Variants in AGBL2 observed in about 807,000 individuals in gnomAD.
AGBL2 encodes cytosolic carboxypeptidase 2.
Under a neutral mutation model 103.0 loss-of-function variants are expected in AGBL2, and 87 were observed. That is an observed-to-expected ratio of 0.84 (90% CI 0.71 to 1.01). AGBL2 has a LOEUF of 1.01. Among genes scored for constraint, AGBL2 ranks in the 50% least tolerant of loss-of-function variants. AGBL2 has a pLI of 0.00. For synonymous variants in AGBL2, 335 were observed against 356.7 expected, an observed-to-expected ratio of 0.94 and a Z score of 0.69; for missense variants, 904 against 1,023.5, an observed-to-expected ratio of 0.88 and a Z score of 1.59.
chr11:47,707,246 A>G (rs1170735222), intron 4 of AGBL2, among the ~76,000 whole-genome samples: 2 of 152,148 alleles, frequency 1.3e-5, no homozygotes, highest in Non-Finnish European at 2.9e-5. Flanking sequence ...CATACCTGAA[A>G]AGGGAAATAC....
chr11:47,690,730 A>G lies in AGBL2; in HGVS notation c.977T>C (p.Leu326Pro), dbSNP rs781554485. ...ATYRFTIVNL[L>P]KPKSLYTVGM... ...TACAGTATAAAGACTCTTGGGTTTT[A>G]GCAAGTTGACAATGGTGAAGCGATA... Residue 326 changes from leucine to proline, a missense_variant, in exon 10 of 19, where the codon CTA (leucine) becomes CCA (proline). By Grantham distance (98) the Leu-to-Pro change is moderately conservative (BLOSUM62 -3). Transcript: ENST00000525123. The G allele has an allele frequency of 6.2e-7, 1 of 1,614,192 alleles. No individual in the cohort carries two copies. The highest frequency in any genetic ancestry group is 1.1e-5 in the South Asian group (1 of 91,088).
chr11:47,672,733 T>G (rs2097361329), intron 14 of AGBL2, among the ~76,000 whole-genome samples: 1 of 152,132 alleles, frequency 6.6e-6, no homozygotes, highest in African/African-American at 2.4e-5. Flanking sequence ...CACTACCTGG[T>G]CTGATGGCCT....
intron 13 of AGBL2, 103 bp downstream of exon 13, chr11:47,679,870 G>A: frequency 1.4e-6 from 1 of 694,362 alleles, no homozygotes; most frequent in Non-Finnish European, 2.5e-6. Flanking sequence ...TTGAACTCCT[G>A]AGCTCAGGCA....
At chr11:47,702,023 C>T (rs376325679) in intron 7 of AGBL2, among the ~76,000 whole-genome samples, 6 of 150,630 alleles carry the variant, frequency 4.0e-5, no homozygotes, top group South Asian at 2.1e-4. Flanking sequence ...TGGTGGTGCA[C>T]GCCTATAGTC....
At chr11:47,664,661 T>C (rs2097336487) in intron 17 of AGBL2, among the ~76,000 whole-genome samples, 1 of 152,086 alleles carries the variant, frequency 6.6e-6, no homozygotes. Flanking sequence ...TCCGCCTGCC[T>C]CAGCCTCCCA....
At chr11:47,710,331 C>G in intron 4 of AGBL2, 46 bp downstream of exon 4, 1 of 1,612,722 alleles carries the variant, frequency 6.2e-7, no homozygotes, top group South Asian at 1.1e-5. Flanking sequence ...AGAGGAGTTA[C>G]TAGGCAATGA....
At position 47,663,037 on chromosome 11, in the gene AGBL2, C is replaced by T; in HGVS notation, c.2524G>A (p.Gly842Arg). The T allele has an allele frequency of 6.2e-7, 1 of 1,610,370 alleles. No homozygotes were observed. Among genetic ancestry groups the T allele is most frequent in the Non-Finnish European group, 8.5e-7 (1 of 1,178,442 alleles). Residue 842 changes from glycine to arginine, a missense_variant, in exon 18 of 19, where the codon GGG (glycine) becomes AGG (arginine). Physicochemically the swap from Gly to Arg is moderately radical, Grantham distance 125. Coordinates refer to ENST00000525123, the MANE Select transcript of AGBL2 (RefSeq NM_024783.4). ...ATTAGGTGAAGTACCTGCATTCTCC[C>T]TTTATTCTTAGGCAGAATCAGGGTG... is the stretch of plus-strand genomic sequence containing the variant. The part of the protein sequence containing the change: ...MATLILPKNK[G>R]RMQNKKPGFT...
chr11:47,689,462 G>T (rs567061519), intron 10 of AGBL2, among the ~76,000 whole-genome samples: 1 of 151,866 alleles, frequency 6.6e-6, no homozygotes, highest in African/African-American at 2.4e-5. Context: ...CCACCAGCAC[G>T]CCTGGCTAAT....
chr11:47,670,804 G>A (rs190857725), intron 14 of AGBL2, among the ~76,000 whole-genome samples: 1 of 152,000 alleles, frequency 6.6e-6, no homozygotes, highest in South Asian at 2.1e-4. Context: ...GACCAGCCTG[G>A]GCAACATGGC....
intron 18 of AGBL2, among the ~76,000 whole-genome samples, chr11:47,661,041 C>T (rs1280760343): frequency 6.6e-6 from 1 of 151,992 alleles, no homozygotes; most frequent in African/African-American, 2.4e-5. Context: ...ACAAGTATCA[C>T]ACTATAAATT....
intron 4 of AGBL2, among the ~76,000 whole-genome samples, chr11:47,706,590 G>C (rs904964194): frequency 6.6e-6 from 1 of 152,092 alleles, no homozygotes; most frequent in Non-Finnish European, 1.5e-5. Context: ...ATGGGGTAAA[G>C]GCAGGAGAGG....
chr11:47,707,019 T>C (rs2097523040), intron 4 of AGBL2, among the ~76,000 whole-genome samples: 1 of 116,644 alleles, frequency 8.6e-6, no homozygotes, highest in Non-Finnish European at 1.7e-5. Context: ...AAACCCTGTC[T>C]CTACTAAAAA....
Position 47,680,089 on chromosome 11 carries a change from ACCCCGC to A in AGBL2, c.1916-22_1916-17del. Reference sequence around the variant, plus strand: ...CTTTTATTACCTGGAAAAAAAAAAAACCCCGCAAACATTTCCAATTAAATCTTAGTG... The same window carrying A: ...CTTTTATTACCTGGAAAAAAAAAAAAAAACATTTCCAATTAAATCTTAGTG... On this transcript the variant is annotated splice_polypyrimidine_tract_variant and intron_variant, in intron 12 of 18. Coordinates refer to ENST00000525123, the MANE Select transcript of AGBL2 (RefSeq NM_024783.4). 1.5e-6 allele frequency: 2 copies of A among 1,349,624 alleles called. No individual in the cohort carries two copies. The highest frequency in any genetic ancestry group is 2.3e-5 in the East Asian group (1 of 43,258). 83.6% of individuals were successfully genotyped at this position (1,349,624 alleles called of 1,614,324 possible).
chr11:47,699,975 T>G lies in AGBL2; in HGVS notation c.587-422A>C, dbSNP rs11039347. On this transcript the variant is annotated intron_variant, in intron 7 of 18. Transcript: ENST00000525123. ...CCTTTTTCTTTTCTTTCTTTTTTTT[T>G]GAGATGGAGTCTTGCTCTATTGCTC... Among the ~76,000 whole-genome samples, 134 of 138,866 alleles carry G rather than the reference T, an allele frequency of 9.6e-4. 1 individual carries two copies. In the East Asian group the frequency reaches 0.023, roughly 24 times the overall value. The allele number at this position is 138,866 out of a possible 152,430, so 91.1% of individuals were successfully genotyped here. A position where few individuals can be genotyped will look rare whatever the true frequency, so the allele number is the denominator to read the frequency against.
chr11:47,700,376 C>T (rs1314082550), intron 7 of AGBL2, among the ~76,000 whole-genome samples: 2 of 151,782 alleles, frequency 1.3e-5, no homozygotes, highest in East Asian at 2.0e-4. Flanking sequence ...GTCGGGAGTT[C>T]GAGACCAGCC....
Position 47,712,778 on chromosome 11 carries a change from G to A in AGBL2, c.97+1506C>T, listed in dbSNP as rs190986474. ...AATTAGGCCGAGCGTGGTGGCTCAT[G>A]CCTGTAATCTTGGCATTTTGGGAGG... is the stretch of plus-strand genomic sequence containing the variant. On this transcript the variant is annotated intron_variant, in intron 3 of 18. Transcript: ENST00000525123. 1.9e-3 allele frequency among the ~76,000 whole-genome samples: 283 copies of A among 152,258 alleles called. No homozygotes were observed. The Middle Eastern group carries it at 0.024, about 13-fold the overall frequency.
At chr11:47,713,002 A>G (rs772290868) in intron 3 of AGBL2, among the ~76,000 whole-genome samples, 4 of 151,806 alleles carry the variant, frequency 2.6e-5, no homozygotes, top group Admixed American at 6.6e-5. Flanking sequence ...AGATTGCACC[A>G]CTGCACTCCA....
rs545222147 is a variant in AGBL2, at chr11:47,672,270, T to C, written c.2148-3363A>G. Among the ~76,000 whole-genome samples the C allele has an allele frequency of 6.6e-5, 10 of 152,108 alleles. No individual in the cohort carries two copies. The South Asian group carries it at 1.9e-3, about 28-fold the overall frequency. On this transcript the variant is annotated intron_variant, in intron 14 of 18. Coordinates refer to ENST00000525123, the MANE Select transcript of AGBL2 (RefSeq NM_024783.4). ...CCGTTATTACAGACATGAGCCATCA[T>C]GCCTAGCCACATCTTGGGCACTATT... is the stretch of plus-strand genomic sequence containing the variant.
At chr11:47,691,729 A>AAAAAAAAAT in intron 9 of AGBL2, among the ~76,000 whole-genome samples, 1 of 4,848 alleles carries the variant, frequency 2.1e-4, no homozygotes, top group Admixed American at 4.3e-3. Context: ...AAAAAAAAAA[A>AAAAAAAAAT]ATATATATAT....
Sources: gnomAD v4.1 joint callset for allele counts (sites outside exome capture counted in the v4.1 genomes callset) on GRCh38, gnomAD v4.1.1 for gene constraint, MANE v1.5 for transcripts, NCBI Gene and HGNC (gene_info 2026-07-23, HGNC 2026-07-21) for gene names.